ELP4: variants seen among roughly 807,000 people sequenced by gnomAD.
ELP4 encodes elongator acetyltransferase complex subunit 4.
In ELP4, 51 loss-of-function variants were observed where a neutral mutation model predicts 48.9. That is an observed-to-expected ratio of 1.04 (90% CI 0.83 to 1.32). The LOEUF (loss-of-function observed/expected upper bound fraction) is 1.32. ELP4 is among the 40% of genes most tolerant of loss of function. The pLI is 0.00. For missense variants in ELP4, 519 were observed against 514.6 expected, an observed-to-expected ratio of 1.01 and a Z score of -0.08; for synonymous variants, 210 against 189.2, an observed-to-expected ratio of 1.11 and a Z score of -0.90.
chr11:31,628,029 A>AT (rs2052931346), intron 6 of ELP4, among the ~76,000 whole-genome samples: 1 of 152,004 alleles, frequency 6.6e-6, no homozygotes, highest in South Asian at 2.1e-4. Flanking sequence ...ATTATTTTTC[A>AT]TTTTGTTTTG....
At chr11:31,669,159 C>T (rs909191767) in intron 9 of ELP4, among the ~76,000 whole-genome samples, 1 of 151,464 alleles carries the variant, frequency 6.6e-6, no homozygotes. Flanking sequence ...AGTGCAGTGG[C>T]GCGATCTCGG....
intron 9 of ELP4, among the ~76,000 whole-genome samples, chr11:31,694,396 C>G (rs1053765011): frequency 6.6e-6 from 1 of 152,140 alleles, no homozygotes; most frequent in Admixed American, 6.5e-5. Context: ...GCCAGTTTTC[C>G]TAGCACCATT....
At chr11:31,690,617 G>A (rs148362035) in intron 9 of ELP4, among the ~76,000 whole-genome samples, 5 of 151,892 alleles carry the variant, frequency 3.3e-5, no homozygotes, top group African/African-American at 4.8e-5. Flanking sequence ...GCATAATTCC[G>A]TTAGCTTCCT....
At chr11:31,629,783 A>G (rs1418652552) in intron 6 of ELP4, among the ~76,000 whole-genome samples, 2 of 96,722 alleles carry the variant, frequency 2.1e-5, no homozygotes, top group East Asian at 2.8e-4. Context: ...TTTTTTTTGT[A>G]TGTTTCTCTC....
intron 9 of ELP4, among the ~76,000 whole-genome samples, chr11:31,781,640 A>T (rs865978057): frequency 2.0e-5 from 3 of 151,774 alleles, no homozygotes; most frequent in Admixed American, 6.6e-5. Flanking sequence ...CTGGGATTAC[A>T]GGCACACACC....
At chr11:31,659,431 GTATT>G (rs1285736995) in intron 9 of ELP4, among the ~76,000 whole-genome samples, 4 of 152,096 alleles carry the variant, frequency 2.6e-5, no homozygotes, top group African/African-American at 9.7e-5. Context: ...ATGAAACTGA[GTATT>G]TGGCTTCAAT....
intron 6 of ELP4, among the ~76,000 whole-genome samples, chr11:31,630,227 C>CTTTTTTTTTTTTTTTTTTTTAATTTT (rs11441798): frequency 7.8e-6 from 1 of 128,462 alleles, no homozygotes; most frequent in Non-Finnish European, 1.6e-5. Flanking sequence ...TTCTAAAATC[C>CTTTTTTTTTTTTTTTTTTTTAATTTT]TTTTTTTTTT....
chr11:31,533,061 C>T (rs921980250), intron 2 of ELP4, among the ~76,000 whole-genome samples: 3 of 152,118 alleles, frequency 2.0e-5, no homozygotes, highest in African/African-American at 7.2e-5. Context: ...CAGGCATGAG[C>T]CACTGTGCCC....
At chr11:31,762,345 C>A (rs1215062277) in intron 9 of ELP4, among the ~76,000 whole-genome samples, 1 of 152,134 alleles carries the variant, frequency 6.6e-6, no homozygotes, top group East Asian at 1.9e-4. Context: ...TTTTCCTTAA[C>A]AGCCTTCAAA....
chr11:31,641,687 G>T (rs543172332), intron 7 of ELP4, among the ~76,000 whole-genome samples: 2 of 151,902 alleles, frequency 1.3e-5, no homozygotes, highest in South Asian at 2.1e-4. Flanking sequence ...TCTGTCTTCC[G>T]TCAGGTTCCC....
intron 9 of ELP4, among the ~76,000 whole-genome samples, chr11:31,760,104 A>T (rs1394418181): frequency 6.6e-6 from 1 of 152,194 alleles, no homozygotes; most frequent in East Asian, 1.9e-4. Context: ...ATAAAGATAT[A>T]TACTTTTATG....
chr11:31,584,591 T>C (rs1565066568), intron 3 of ELP4, among the ~76,000 whole-genome samples: 1 of 152,090 alleles, frequency 6.6e-6, no homozygotes, highest in Non-Finnish European at 1.5e-5. Context: ...TGCAGTGGCA[T>C]GATCTCAGGT....
In ELP4 at chr11:31,783,538, G is replaced by C; in HGVS notation, c.*14G>C. 1 of 1,611,850 alleles carries C rather than the reference G, an allele frequency of 6.2e-7. No homozygotes were observed. The highest frequency in any genetic ancestry group is 8.5e-7 in the Non-Finnish European group (1 of 1,178,828). On this transcript the variant is annotated 3_prime_UTR_variant, in exon 10 of 10. Coordinates refer to ENST00000640961, the MANE Select transcript of ELP4 (RefSeq NM_019040.5). ...CTGGACTTCTAGGGATTCCTCCTTA[G>C]TCGCTGCATGCAGAATTCTATGACA...
intron 3 of ELP4, 53 bp downstream of exon 3, chr11:31,539,836 T>C: frequency 2.7e-6 from 4 of 1,486,518 alleles, no homozygotes; most frequent in Non-Finnish European, 3.6e-6. Context: ...TGAAAAAATA[T>C]TGTTTATATA....
At chr11:31,717,956 A>T (rs771704267) in intron 9 of ELP4, among the ~76,000 whole-genome samples, 3 of 152,016 alleles carry the variant, frequency 2.0e-5, no homozygotes, top group Non-Finnish European at 4.4e-5. Flanking sequence ...TTTACAATCA[A>T]CTACACCCCA....
At chr11:31,557,154 C>G in intron 3 of ELP4, among the ~76,000 whole-genome samples, 1 of 151,838 alleles carries the variant, frequency 6.6e-6, no homozygotes, top group Middle Eastern at 3.5e-3. Context: ...AAAATTTAGA[C>G]TAACATCTTT....
chr11:31,627,626 TAAA>T (rs1169247794), intron 6 of ELP4, among the ~76,000 whole-genome samples: 1 of 152,078 alleles, frequency 6.6e-6, no homozygotes, highest in Non-Finnish European at 1.5e-5. Context: ...TTTATTGAAT[TAAA>T]AATACATTTT....
At chr11:31,735,815 G>C (rs551218894) in intron 9 of ELP4, among the ~76,000 whole-genome samples, 5 of 152,254 alleles carry the variant, frequency 3.3e-5, no homozygotes, top group Admixed American at 2.6e-4. Flanking sequence ...ACTGCTCAAT[G>C]AAATAAAAGA....
At chr11:31,644,309 A>G (rs771966695) in intron 7 of ELP4, among the ~76,000 whole-genome samples, 6 of 151,882 alleles carry the variant, frequency 4.0e-5, no homozygotes, top group Non-Finnish European at 8.8e-5. Context: ...ACTGGAAACG[A>G]TATTGTAACA....
Sources: gnomAD v4.1 joint callset for allele counts (sites outside exome capture counted in the v4.1 genomes callset) on GRCh38, gnomAD v4.1.1 for gene constraint, MANE v1.5 for transcripts, NCBI Gene and HGNC (gene_info 2026-07-23, HGNC 2026-07-21) for gene names.